The following AUTS2 variants were observed in gnomAD, a reference collection of about 807,000 sequenced individuals.
The protein encoded by AUTS2 is autism susceptibility gene 2 protein.
A neutral mutation model predicts 112.4 loss-of-function variants in AUTS2; 17 were observed. The observed-to-expected ratio is 0.15, with a 90% CI of 0.10 to 0.23. AUTS2 has a LOEUF of 0.23. Ranked by LOEUF, AUTS2 falls within the 10% of genes least tolerant of loss-of-function variation. The pLI is 1.00. For synonymous variants in AUTS2, 751 were observed against 702.7 expected (o/e 1.07, Z -1.09); for missense variants, 1,510 against 1,701.6 (o/e 0.89, Z 1.98).
At chr7:70,418,050 T>C (rs994632718) in intron 4 of AUTS2, among the ~76,000 whole-genome samples, 2 of 151,704 alleles carry the variant, frequency 1.3e-5, no homozygotes, top group Non-Finnish European at 2.9e-5. Flanking sequence ...TTGGGATCTG[T>C]CACCCAGGCT....
chr7:70,668,562 T>A (rs1006071084), intron 5 of AUTS2, among the ~76,000 whole-genome samples: 2 of 152,218 alleles, frequency 1.3e-5, no homozygotes, highest in African/African-American at 4.8e-5. Flanking sequence ...GTTTGTCATG[T>A]GTGATTGCGA....
intron 5 of AUTS2, among the ~76,000 whole-genome samples, chr7:70,463,604 C>G (rs1457760280): frequency 6.6e-6 from 1 of 152,248 alleles, no homozygotes; most frequent in Admixed American, 6.5e-5. Flanking sequence ...AAGAACCGCA[C>G]TTGTCAATCT....
chr7:70,028,822 T>C (rs975426482), intron 2 of AUTS2, among the ~76,000 whole-genome samples: 2 of 152,204 alleles, frequency 1.3e-5, no homozygotes, highest in African/African-American at 2.4e-5. Context: ...GAAATACTTA[T>C]CTACCCTGAG....
At chr7:70,291,408 C>T (rs1000652652) in intron 4 of AUTS2, 11 of 152,244 alleles carry the variant, frequency 7.2e-5, no homozygotes, top group African/African-American at 2.4e-4. Context: ...ACCCATCTCA[C>T]GAAGTTGCAC....
intron 4 of AUTS2, among the ~76,000 whole-genome samples, chr7:70,348,862 GA>G (rs1791624108): frequency 6.6e-6 from 1 of 152,146 alleles, no homozygotes; most frequent in Non-Finnish European, 1.5e-5. Flanking sequence ...GTGAACTAAT[GA>G]GATTTCATCA....
intron 5 of AUTS2, among the ~76,000 whole-genome samples, chr7:70,559,067 A>G (rs1257007960): frequency 6.6e-6 from 1 of 152,112 alleles, no homozygotes; most frequent in Non-Finnish European, 1.5e-5. Flanking sequence ...TGTTCTCGTG[A>G]TAGTGAATAA....
intron 2 of AUTS2, among the ~76,000 whole-genome samples, chr7:69,977,412 T>G (rs1318556167): frequency 6.6e-6 from 1 of 152,214 alleles, no homozygotes; most frequent in African/African-American, 2.4e-5. Context: ...AATTGTTTGG[T>G]GATTTGGAGT....
intron 3 of AUTS2, among the ~76,000 whole-genome samples, chr7:70,130,135 A>T (rs1806196575): frequency 6.6e-6 from 1 of 152,140 alleles, no homozygotes; most frequent in Non-Finnish European, 1.5e-5. Context: ...GGTAGCCAGG[A>T]ATGTTGAACA....
intron 4 of AUTS2, among the ~76,000 whole-genome samples, chr7:70,152,554 A>T (rs1807502542): frequency 6.6e-6 from 1 of 152,142 alleles, no homozygotes; most frequent in Non-Finnish European, 1.5e-5. Flanking sequence ...GGATAAGAGA[A>T]TGAGATGATA....
chr7:70,571,328 G>GA (rs1801929498), intron 5 of AUTS2, among the ~76,000 whole-genome samples: 1 of 152,004 alleles, frequency 6.6e-6, no homozygotes, highest in Non-Finnish European at 1.5e-5. Context: ...GATCAAAGAA[G>GA]AAAAAAGGGA....
At chr7:70,552,582 G>A (rs1801059023) in intron 5 of AUTS2, among the ~76,000 whole-genome samples, 1 of 152,220 alleles carries the variant, frequency 6.6e-6, no homozygotes, top group South Asian at 2.1e-4. Context: ...CAGAGAGCAG[G>A]AAGAGAGGCC....
At chr7:70,556,806 C>T (rs1801266493) in intron 5 of AUTS2, among the ~76,000 whole-genome samples, 1 of 152,298 alleles carries the variant, frequency 6.6e-6, no homozygotes, top group African/African-American at 2.4e-5. Context: ...TCCCCAGATA[C>T]CTTGATGTAA....
chr7:70,198,378 C>G, intron 4 of AUTS2, among the ~76,000 whole-genome samples: 1 of 151,750 alleles, frequency 6.6e-6, no homozygotes. Flanking sequence ...AGGCTTCAGA[C>G]GATCAAATTA....
chr7:70,759,572 T>C (rs1306917328), intron 6 of AUTS2, among the ~76,000 whole-genome samples: 1 of 152,192 alleles, frequency 6.6e-6, no homozygotes, highest in African/African-American at 2.4e-5. Flanking sequence ...TCTGGTAGCT[T>C]GTTGGAGGTG....
At chr7:69,692,433 A>G (rs1017615677) in intron 1 of AUTS2, among the ~76,000 whole-genome samples, 3 of 152,202 alleles carry the variant, frequency 2.0e-5, no homozygotes, top group Non-Finnish European at 2.9e-5. Flanking sequence ...TGATGATTTT[A>G]TTGGAGAAAT....
chr7:70,419,793 G>GT lies in AUTS2; in HGVS notation c.661-15952dup, dbSNP rs536461020. On this transcript the variant is annotated intron_variant, in intron 4 of 18. Transcript: ENST00000342771. ...CAACACTGCATATCAGCATTTACAT[G>GT]TTTTTTTCTAATTTGATTGATGAAG... Among the ~76,000 whole-genome samples, 40 of 152,180 alleles carry GT rather than the reference G, an allele frequency of 2.6e-4. No individual in the cohort carries two copies. The East Asian group carries it at 5.8e-3, about 22-fold the overall frequency.
intron 1 of AUTS2, among the ~76,000 whole-genome samples, chr7:69,724,039 G>A (rs566645509): frequency 2.6e-5 from 4 of 152,190 alleles, no homozygotes; most frequent in Admixed American, 1.3e-4. Flanking sequence ...GCAAGCAGGA[G>A]GGGGTCTCCA....
chr7:70,126,878 G>A (rs916609030), intron 3 of AUTS2, among the ~76,000 whole-genome samples: 3 of 152,122 alleles, frequency 2.0e-5, no homozygotes, highest in African/African-American at 7.2e-5. Context: ...ATGGAGTGGA[G>A]TGCAATGGTG....
chr7:69,813,976 A>G (rs1302647224), intron 1 of AUTS2, among the ~76,000 whole-genome samples: 2 of 152,188 alleles, frequency 1.3e-5, no homozygotes, highest in Non-Finnish European at 2.9e-5. Flanking sequence ...GACTGCATTT[A>G]TGAAAATGGC....
Sources: gnomAD v4.1 joint callset for allele counts (sites outside exome capture counted in the v4.1 genomes callset) on GRCh38, gnomAD v4.1.1 for gene constraint, MANE v1.5 for transcripts, NCBI Gene and HGNC (gene_info 2026-07-23, HGNC 2026-07-21) for gene names.